The following FRK variants were observed in gnomAD, a reference collection of about 807,000 sequenced individuals.
FRK encodes fyn related Src family tyrosine kinase, also known as tyrosine-protein kinase FRK.
FRK carries 51 observed loss-of-function variants against 56.4 expected under a neutral mutation model. That is an observed-to-expected ratio of 0.90 (90% CI 0.72 to 1.14). The LOEUF (loss-of-function observed/expected upper bound fraction) is 1.14, where lower values mean the gene tolerates loss of function less well. Ranked by LOEUF, FRK falls within the 50% of genes most tolerant of loss-of-function variation. The pLI, the probability that FRK is intolerant of heterozygous loss-of-function variation, is 0.00. For missense variants in FRK, 570 were observed against 601.4 expected (o/e 0.95, Z 0.55); for synonymous variants, 245 against 217.9 (o/e 1.12, Z -1.10).
chr6:115,999,681 G>C (rs570179147), intron 2 of FRK, among the ~76,000 whole-genome samples: 1 of 152,190 alleles, frequency 6.6e-6, no homozygotes, highest in Non-Finnish European at 1.5e-5. Flanking sequence ...CATCAATTCA[G>C]ACTGATTAAG....
chr6:115,984,195 A>G (rs1249296503), intron 2 of FRK, among the ~76,000 whole-genome samples: 1 of 152,054 alleles, frequency 6.6e-6, no homozygotes, highest in Non-Finnish European at 1.5e-5. Flanking sequence ...CATTGCTTAT[A>G]TATTTACCCT....
At position 115,944,382 on chromosome 6, in the gene FRK, C is replaced by G; in HGVS notation, c.1002G>C (p.Met334Ile). The G allele has an allele frequency of 6.2e-7, 1 of 1,612,214 alleles. No individual in the cohort carries two copies. The highest frequency in any genetic ancestry group is 1.7e-5 in the Admixed American group (1 of 59,662). Reference protein sequence around the residue: ...SKIHLTQQVDMAAQVASGMAY... With the variant: ...SKIHLTQQVDIAAQVASGMAY... Reference sequence around the variant, plus strand: ...CCATTCCAGAGGCAACCTGTGCCGCCATGTCTACCTGTTGAGTCAGATGGA... The same window carrying G: ...CCATTCCAGAGGCAACCTGTGCCGCGATGTCTACCTGTTGAGTCAGATGGA... The change falls in exon 6 of 8, where the codon ATG (methionine) becomes ATC (isoleucine). Residue 334 changes from methionine to isoleucine, a missense_variant. By Grantham distance (10) the Met-to-Ile change is conservative. Transcript: ENST00000606080.
the FRK span, among the ~76,000 whole-genome samples, chr6:116,080,682 G>A: frequency 1.3e-5 from 2 of 152,040 alleles, no homozygotes; most frequent in African/African-American, 4.8e-5. Context: ...TAACCCATAA[G>A]AAAATGAGCA....
At chr6:116,004,020 T>A (rs773564517) in intron 1 of FRK, 22 bp from the exon 2 acceptor site, 1 of 1,603,642 alleles carries the variant, frequency 6.2e-7, no homozygotes, top group Admixed American at 1.7e-5. Flanking sequence ...GATATGTAAA[T>A]GTTAAGTAAC....
chr6:115,967,262 C>G (rs1003937439), intron 4 of FRK, among the ~76,000 whole-genome samples: 1 of 152,052 alleles, frequency 6.6e-6, no homozygotes, highest in African/African-American at 2.4e-5. Context: ...AGGCTAGGAA[C>G]AAAATGGGAA....
chr6:115,981,954 A>C (rs1774215128), intron 2 of FRK, among the ~76,000 whole-genome samples: 2 of 152,066 alleles, frequency 1.3e-5, no homozygotes, highest in Admixed American at 1.3e-4. Flanking sequence ...AACAAGGATT[A>C]GACAAAGGTT....
rs1434915114 is a variant in FRK, at chr6:115,941,662, T to C, written c.*752A>G. ...CTCAGACTTTATGGGCTATTAGACA[T>C]TTCTCACATTTCCATAGATAATAAC... On this transcript the variant is annotated 3_prime_UTR_variant, in exon 8 of 8. Transcript: ENST00000606080. 6.6e-6 allele frequency: 1 copy of C among 152,130 alleles called. No individual in the cohort carries two copies. The highest frequency in any genetic ancestry group is 1.5e-5 in the Non-Finnish European group (1 of 68,020). The allele number at this position is 152,130 out of a possible 1,614,324, so 9.4% of individuals were successfully genotyped here.
rs1332767083 is a variant in FRK, at chr6:115,942,426, G to T, written c.1506C>A (p.Asn502Lys). ...ETDSSYSDAN[N>K]FIR ...TCTTCTCCAGTGTTCATCTTATGAA[G>T]TTATTTGCATCTGAATATGAAGAGT... The change falls in exon 8 of 8, where the codon AAC becomes AAA. Residue 502 changes from asparagine to lysine, a missense_variant. By Grantham distance (94) the Asn-to-Lys change is moderately conservative. Transcript: ENST00000606080. 6.2e-7 allele frequency: 1 copy of T among 1,611,794 alleles called. No homozygotes were observed. The highest frequency in any genetic ancestry group is 8.5e-7 in the Non-Finnish European group (1 of 1,178,048).
intron 1 of FRK, among the ~76,000 whole-genome samples, chr6:116,048,923 C>T (rs2114809547): frequency 6.6e-6 from 1 of 152,020 alleles, no homozygotes; most frequent in East Asian, 1.9e-4. Context: ...ATTTTCCTTC[C>T]CCTTAAGTCT....
intron 5 of FRK, among the ~76,000 whole-genome samples, chr6:115,953,393 T>G (rs906737768): frequency 1.3e-5 from 2 of 151,296 alleles, no homozygotes; most frequent in African/African-American, 2.4e-5. Flanking sequence ...GTTTCACCGT[T>G]TTAGCCGGGA....
At position 115,942,096 on chromosome 6, in the gene FRK, C is replaced by A; in HGVS notation, c.*318G>T. ...AGTCACTGAGTAAAAATTGGACTAT[C>A]ATCTGTTGATTCTCTTGATCGACAT... On this transcript the variant is annotated 3_prime_UTR_variant, in exon 8 of 8. Transcript: ENST00000606080. The A allele has an allele frequency of 3.8e-6, 1 of 261,376 alleles. No individual in the cohort carries two copies. The highest frequency in any genetic ancestry group is 2.3e-5 in the African/African-American group (1 of 43,792). 16.2% of individuals were successfully genotyped at this position (261,376 alleles called of 1,614,324 possible).
Position 116,060,472 on chromosome 6 carries a change from TTGCAGCAAGTCCTACC to T in FRK, c.-177_-162del, listed in dbSNP as rs1777588537. The T allele has an allele frequency of 1.6e-6, 1 of 616,032 alleles. No homozygotes were observed. Among genetic ancestry groups the T allele is most frequent in the African/African-American group, 1.8e-5 (1 of 54,122 alleles). The allele number at this position is 616,032 out of a possible 1,614,324, so 38.2% of individuals were successfully genotyped here. Reference sequence around the variant, plus strand: ...GTTTCAGATCAGTCCAGCAGCTGGGTTGCAGCAAGTCCTACCTGGAGAGACTTACCGGCTTGCTTTC... The same window carrying T: ...GTTTCAGATCAGTCCAGCAGCTGGGTTGGAGAGACTTACCGGCTTGCTTTC... On this transcript the variant is annotated 5_prime_UTR_variant, in exon 1 of 8. The change abolishes the stop of an existing upstream ORF in the 5' untranslated region. Transcript: ENST00000606080.
chr6:116,015,737 T>C (rs1775623128), intron 1 of FRK, among the ~76,000 whole-genome samples: 1 of 152,184 alleles, frequency 6.6e-6, no homozygotes, highest in Non-Finnish European at 1.5e-5. Flanking sequence ...ACTCATGCTA[T>C]GCTTTGGCAA....
intron 1 of FRK, among the ~76,000 whole-genome samples, chr6:116,047,322 C>A (rs1419231791): frequency 2.0e-5 from 3 of 151,644 alleles, no homozygotes; most frequent in Non-Finnish European, 4.4e-5. Flanking sequence ...TGATAAATCA[C>A]AACCAGACAT....
chr6:115,989,537 T>A (rs1178823330), intron 2 of FRK, among the ~76,000 whole-genome samples: 1 of 151,964 alleles, frequency 6.6e-6, no homozygotes, highest in Non-Finnish European at 1.5e-5. Flanking sequence ...AGTGAGAACA[T>A]GTGATAATTG....
the FRK span, among the ~76,000 whole-genome samples, chr6:116,082,629 T>C: frequency 6.6e-6 from 1 of 152,174 alleles, no homozygotes; most frequent in South Asian, 2.1e-4. Flanking sequence ...GCTCCAAGCA[T>C]TTTTGTCTGA....
chr6:116,090,732 T>A, the FRK span, among the ~76,000 whole-genome samples: 5 of 152,106 alleles, frequency 3.3e-5, no homozygotes, highest in Admixed American at 6.5e-5. Context: ...CTTCTGCAAT[T>A]TAGAAGCCCC....
At chr6:116,062,347 A>T (rs1777655323), upstream of FRK, among the ~76,000 whole-genome samples, 1 of 152,144 alleles carries the variant, frequency 6.6e-6, no homozygotes, top group South Asian at 2.1e-4. Flanking sequence ...AATGACCATA[A>T]AGGATATTTT....
chr6:115,952,191 G>C (rs1415624046), intron 5 of FRK, among the ~76,000 whole-genome samples: 1 of 152,056 alleles, frequency 6.6e-6, no homozygotes, highest in Admixed American at 6.6e-5. Flanking sequence ...AGTTTAATTA[G>C]ATCCCATTTG....
Sources: allele counts gnomAD v4.1 joint callset (sites outside exome capture counted in the v4.1 genomes callset), GRCh38; gene constraint gnomAD v4.1.1; transcripts MANE v1.5; gene names NCBI Gene and HGNC (gene_info 2026-07-23, HGNC 2026-07-21).